The following CCL15 variants were observed in gnomAD, a reference collection of about 807,000 sequenced individuals.
CCL15 encodes the protein C-C motif chemokine ligand 15.
CCL15 carries 8 observed loss-of-function variants against 10.6 expected under a neutral mutation model. The observed-to-expected ratio is 0.75, with a 90% CI of 0.44 to 1.36. CCL15 has a LOEUF of 1.36. CCL15 is among the 40% of genes most tolerant of loss of function. The pLI, the probability that CCL15 is intolerant of heterozygous loss-of-function variation, is 0.00. For missense variants in CCL15, 128 were observed against 136.6 expected (o/e 0.94, Z 0.32); for synonymous variants, 51 against 48.8 (o/e 1.04, Z -0.19).
intron 2 of CCL15, 63 bp downstream of exon 2, chr17:35,998,803 T>C: frequency 8.2e-7 from 1 of 1,226,174 alleles, no homozygotes; most frequent in Non-Finnish European, 1.2e-6. Context: ...GGACAATGGA[T>C]CCCATAGTGC....
Position 35,997,919 on chromosome 17 carries a change from G to T in CCL15, c.249-59C>A, listed in dbSNP as rs553613420. 103 of 1,271,156 alleles carry T rather than the reference G, an allele frequency of 8.1e-5. No homozygotes were observed. In the African/African-American group the frequency reaches 1.3e-3, roughly 16 times the overall value. 78.7% of individuals were successfully genotyped at this position (1,271,156 alleles called of 1,614,324 possible). On this transcript the variant is annotated intron_variant, in intron 3 of 3. Coordinates refer to ENST00000617897, the MANE Select transcript of CCL15 (RefSeq NM_032965.6). ...AGGTGTGGGCAGATGGAGACAGGGG[G>T]CCCCATCCTCCCTGCTCCTCAGATT...
Position 35,997,844 on chromosome 17 carries a change from C to T in CCL15, c.265G>A (p.Gly89Arg), listed in dbSNP as rs537114501. The change falls in exon 4 of 4, where the codon GGG (glycine) becomes AGG (arginine). Residue 89 changes from glycine (G) to arginine (R), a missense_variant. Physicochemically the swap from Gly to Arg is moderately radical, Grantham distance 125 (BLOSUM62 -2). Transcript: ENST00000617897. ...KPGVIFLTKKGRQVCAKPSGP... is the reference protein window; with the variant it reads ...KPGVIFLTKKRRQVCAKPSGP... ...CTGGGTTTGGCACAGACTTGCCGCC[C>T]CTTCTTGGTGAGGAATCTGGGGAAC... 2 of 1,613,844 alleles carry T rather than the reference C, an allele frequency of 1.2e-6. No individual in the cohort carries two copies. The highest frequency in any genetic ancestry group is 2.2e-5 in the South Asian group (2 of 91,064).
intron 2 of CCL15, 124 bp from the exon 3 acceptor site, chr17:35,998,515 C>T: frequency 1.3e-6 from 1 of 748,762 alleles, no homozygotes; most frequent in African/African-American, 1.8e-5. Context: ...CTGGCCTCTC[C>T]CTGCTTCAGA....
chr17:35,998,309 C>T lies in CCL15; in HGVS notation c.219G>A (p.Thr73=), dbSNP rs750227963. Residue 73 remains threonine (T), a synonymous_variant, in exon 3 of 4, where the codon ACG becomes ACA. Transcript: ENST00000617897. ...PCSLMKSYFE[T]SSECSKPGVI... is the part of the protein sequence containing the mutation. ...CACCTGGCTTGGAGCACTCGCTGCT[C>T]GTTTCAAAATAACTTTTCATGAGTG... 1.6e-5 allele frequency: 26 copies of T among 1,613,814 alleles called. No homozygotes were observed. Among genetic ancestry groups the T allele is most frequent in the Middle Eastern group, 1.6e-4 (1 of 6,078 alleles).
intron 2 of CCL15, 105 bp from the exon 3 acceptor site, chr17:35,998,496 T>C (rs2075746): frequency 0.62 from 508,357 of 821,004 alleles, 162,662 homozygotes; most frequent in African/African-American, 0.92. Flanking sequence ...CCTCCTCGGC[T>C]AGCACTTGCT....
At position 35,997,684 on chromosome 17, in the gene CCL15, T is replaced by A; in HGVS notation, c.*83A>T. The stretch of plus-strand genomic sequence containing the variant: ...ACTTTCATTACCAGACACAACAATA[T>A]ATATATTTTTTAAGTATTTCAGACC... On this transcript the variant is annotated 3_prime_UTR_variant, in exon 4 of 4. Transcript: ENST00000617897. 1.3e-6 allele frequency: 1 copy of A among 785,374 alleles called. No individual in the cohort carries two copies. Among genetic ancestry groups the A allele is most frequent in the Non-Finnish European group, 2.2e-6 (1 of 455,674 alleles). 48.7% of individuals were successfully genotyped at this position (785,374 alleles called of 1,614,324 possible).
chr17:35,998,853 T>A lies in CCL15; in HGVS notation c.136+13A>T. The A allele has an allele frequency of 4.4e-6, 7 of 1,607,712 alleles. No individual in the cohort carries two copies. The highest frequency in any genetic ancestry group is 6.0e-6 in the Non-Finnish European group (7 of 1,174,008). ...TGGCTGCTTTTAAATGTATGCCGTATCTGATCACTTACTGTTCAGAACTAC... is the reference window on the plus strand; with the variant it reads ...TGGCTGCTTTTAAATGTATGCCGTAACTGATCACTTACTGTTCAGAACTAC... On this transcript the variant is annotated intron_variant, in intron 2 of 3. Coordinates refer to ENST00000617897, the MANE Select transcript of CCL15 (RefSeq NM_032965.6).
At chr17:35,998,135 C>T in intron 3 of CCL15, 145 bp downstream of exon 3, 1 of 641,090 alleles carries the variant, frequency 1.6e-6, no homozygotes, top group Non-Finnish European at 2.8e-6. Flanking sequence ...TGATGCCCTG[C>T]AGAATCCTCG....
intron 1 of CCL15, among the ~76,000 whole-genome samples, chr17:35,999,696 T>C (rs2089966762): frequency 6.6e-6 from 1 of 152,008 alleles, no homozygotes; most frequent in South Asian, 2.1e-4. Flanking sequence ...ACTCCTGTGG[T>C]CAAGCAATTC....
At chr17:35,998,223 G>T in intron 3 of CCL15, 57 bp downstream of exon 3, 1 of 1,188,072 alleles carries the variant, frequency 8.4e-7, no homozygotes, top group Non-Finnish European at 1.3e-6. Flanking sequence ...TGTCCTCCCT[G>T]CAAGATGCTG....
At chr17:36,001,244 T>C (rs1419438468) in intron 1 of CCL15, among the ~76,000 whole-genome samples, 173 bp downstream of exon 1, 1 of 152,254 alleles carries the variant, frequency 6.6e-6, no homozygotes, top group Non-Finnish European at 1.5e-5. Context: ...TCTGTGTACC[T>C]TTCCCCGCCA....
chr17:36,001,513 G>C lies in CCL15; in HGVS notation c.-21C>G, dbSNP rs375364643. The C allele has an allele frequency of 1.6e-4, 257 of 1,612,592 alleles. 1 individual carries two copies. In the African/African-American group the frequency reaches 3.2e-3, roughly 20 times the overall value. On this transcript the variant is annotated 5_prime_UTR_variant, in exon 1 of 4. Transcript: ENST00000617897. ...TTCATCCTCCTGGTGGGCAGGCAGGGCTGGCCGAGGACTCCTGGGCTCACT... is the reference window on the plus strand; with the variant it reads ...TTCATCCTCCTGGTGGGCAGGCAGGCCTGGCCGAGGACTCCTGGGCTCACT...
chr17:36,001,221 A>G (rs1598748869), intron 1 of CCL15, among the ~76,000 whole-genome samples, 196 bp downstream of exon 1: 1 of 152,250 alleles, frequency 6.6e-6, no homozygotes, highest in East Asian at 1.9e-4. Flanking sequence ...TTGGCCCCAA[A>G]TGGGACCAGT....
chr17:35,999,064 G>A, intron 1 of CCL15, 139 bp from the exon 2 acceptor site: 1 of 700,008 alleles, frequency 1.4e-6, no homozygotes. Context: ...TGGGTTCTAG[G>A]CCTGCCTCCT....
chr17:35,998,250 C>A, intron 3 of CCL15, 30 bp downstream of exon 3: 1 of 1,475,760 alleles, frequency 6.8e-7, no homozygotes, highest in Non-Finnish European at 9.5e-7. Flanking sequence ...GCTTCTTCCC[C>A]AACACATGGT....
chr17:36,001,437 G>T lies in CCL15; in HGVS notation c.56C>A (p.Ser19Tyr). The T allele has an allele frequency of 6.2e-7, 1 of 1,614,166 alleles. No homozygotes were observed. The highest frequency in any genetic ancestry group is 8.5e-7 in the Non-Finnish European group (1 of 1,180,014). ...CTCACCATTTGTGAACTGGGCCTGG[G>T]ATCCAAGGACAGCAACAAGCATGAG... ...SCLMLVAVLG[S>Y]QAQFTNDAET... Residue 19 changes from serine (S) to tyrosine (Y), a missense_variant, in exon 1 of 4, where the codon TCC becomes TAC. Coordinates refer to ENST00000617897, the MANE Select transcript of CCL15 (RefSeq NM_032965.6).
Position 36,001,519 on chromosome 17 carries a change from C to A in CCL15, c.-27G>T, listed in dbSNP as rs149801302. The stretch of plus-strand genomic sequence containing the variant: ...CTCCTGGTGGGCAGGCAGGGCTGGC[C>A]GAGGACTCCTGGGCTCACTGCTTCC... On this transcript the variant is annotated 5_prime_UTR_variant, in exon 1 of 4. Coordinates refer to ENST00000617897, the MANE Select transcript of CCL15 (RefSeq NM_032965.6). 3 of 1,612,266 alleles carry A rather than the reference C, an allele frequency of 1.9e-6. No individual in the cohort carries two copies. The highest frequency in any genetic ancestry group is 2.5e-6 in the Non-Finnish European group (3 of 1,179,786).
chr17:35,998,532 C>T lies in CCL15; in HGVS notation c.137-141G>A, dbSNP rs554636068. The T allele has an allele frequency of 6.7e-4, 478 of 715,814 alleles. 2 individuals are homozygous for T. The African/African-American group carries it at 7.1e-3, about 11-fold the overall frequency. 44.3% of individuals were successfully genotyped at this position (715,814 alleles called of 1,614,324 possible). ...GGCCTCTCCCTGCTTCAGACCCTCC[C>T]CAGGGTTTTGCCATGTGTCTGAGGG... On this transcript the variant is annotated intron_variant, in intron 2 of 3. Coordinates refer to ENST00000617897, the MANE Select transcript of CCL15 (RefSeq NM_032965.6).
chr17:35,998,178 CCA>C (rs1357398982), intron 3 of CCL15, 100 bp downstream of exon 3: 9 of 749,256 alleles, frequency 1.2e-5, no homozygotes, highest in Non-Finnish European at 2.1e-5. Context: ...CTGGCAGGAT[CCA>C]GAGGGTGGAA....
Sources: gnomAD v4.1 joint callset for allele counts (sites outside exome capture counted in the v4.1 genomes callset) on GRCh38, gnomAD v4.1.1 for gene constraint, MANE v1.5 for transcripts, NCBI Gene and HGNC (gene_info 2026-07-23, HGNC 2026-07-21) for gene names.